Variants in RBFOX1 observed in about 807,000 individuals in gnomAD.
The protein encoded by RBFOX1 is RNA binding fox-1 homolog 1.
In RBFOX1, 8 loss-of-function variants were observed where a neutral mutation model predicts 57.7. The ratio of observed to expected loss-of-function variants is 0.14; its 90% CI spans 0.08 to 0.25. The LOEUF is 0.25. Ranked by LOEUF, RBFOX1 falls within the 10% of genes least tolerant of loss-of-function variation. RBFOX1 has a pLI of 1.00. For missense variants in RBFOX1, 611 were observed against 548.5 expected, an observed-to-expected ratio of 1.11 and a Z score of -1.14; for synonymous variants, 326 against 222.4, an observed-to-expected ratio of 1.47 and a Z score of -4.15.
chr16:5,703,438 C>G (rs2051123908), intron 3 of RBFOX1, among the ~76,000 whole-genome samples: 1 of 152,142 alleles, frequency 6.6e-6, no homozygotes. Flanking sequence ...AGAACTGGAG[C>G]CCAGAGGGCA....
At chr16:5,558,278 G>C (rs1048812591) in intron 2 of RBFOX1, among the ~76,000 whole-genome samples, 4 of 152,158 alleles carry the variant, frequency 2.6e-5, no homozygotes, top group African/African-American at 9.7e-5. Flanking sequence ...AGAGCTGAAA[G>C]AGCACACTGT....
chr16:5,644,463 T>C (rs1304841776), intron 3 of RBFOX1, among the ~76,000 whole-genome samples: 7 of 152,192 alleles, frequency 4.6e-5, no homozygotes, highest in Non-Finnish European at 8.8e-5. Context: ...TGGGTTGAAG[T>C]TGGACTGTAC....
intron 4 of RBFOX1, among the ~76,000 whole-genome samples, chr16:7,058,633 A>C (rs983201121): frequency 6.6e-6 from 1 of 151,884 alleles, no homozygotes; most frequent in Non-Finnish European, 1.5e-5. Context: ...CATGCAAAAA[A>C]AGATTAAACT....
chr16:6,680,785 C>A (rs1027385658), intron 3 of RBFOX1, among the ~76,000 whole-genome samples: 1 of 152,162 alleles, frequency 6.6e-6, no homozygotes, highest in Non-Finnish European at 1.5e-5. Flanking sequence ...GGGCACCTAA[C>A]TTTGCAAACC....
intron 3 of RBFOX1, among the ~76,000 whole-genome samples, chr16:6,822,966 C>T (rs557492815): frequency 2.0e-4 from 31 of 152,284 alleles, no homozygotes; most frequent in African/African-American, 7.0e-4. Context: ...GGACAAAAAA[C>T]GATGATCCCT....
chr16:6,837,093 G>A (rs146542863), intron 3 of RBFOX1, among the ~76,000 whole-genome samples: 1 of 152,326 alleles, frequency 6.6e-6, no homozygotes, highest in Non-Finnish European at 1.5e-5. Context: ...GTTAACAATA[G>A]CCAGAGCAGT....
chr16:6,892,089 T>C (rs529334557), intron 3 of RBFOX1, among the ~76,000 whole-genome samples: 174 of 152,260 alleles, frequency 1.1e-3, no homozygotes, highest in African/African-American at 4.2e-3. Context: ...CATTTCTTAG[T>C]TTCCTTTACA....
At chr16:6,070,005 C>T (rs1331825080) in intron 1 of RBFOX1, among the ~76,000 whole-genome samples, 3 of 152,040 alleles carry the variant, frequency 2.0e-5, no homozygotes, top group African/African-American at 7.2e-5. Flanking sequence ...AACAATCCCC[C>T]CAAAACCAAA....
At chr16:5,671,412 G>C (rs992435821) in intron 3 of RBFOX1, among the ~76,000 whole-genome samples, 3 of 152,172 alleles carry the variant, frequency 2.0e-5, no homozygotes, top group African/African-American at 7.2e-5. Context: ...TGAGGCATTT[G>C]ATATATTTGT....
At chr16:7,413,792 C>T (rs950574812) in intron 4 of RBFOX1, among the ~76,000 whole-genome samples, 4 of 152,074 alleles carry the variant, frequency 2.6e-5, no homozygotes, top group African/African-American at 9.7e-5. Context: ...CTTTGTAGAG[C>T]TGGATCCCAG....
At chr16:6,772,599 G>A (rs1292196657) in intron 3 of RBFOX1, among the ~76,000 whole-genome samples, 5 of 150,610 alleles carry the variant, frequency 3.3e-5, no homozygotes, top group South Asian at 2.1e-4. Context: ...TGGGTATGGG[G>A]TGCATTTGTG....
chr16:7,394,829 T>C (rs1019467041), intron 4 of RBFOX1, among the ~76,000 whole-genome samples: 5 of 152,220 alleles, frequency 3.3e-5, no homozygotes, highest in Admixed American at 1.3e-4. Flanking sequence ...AGGATTCCTC[T>C]GCCTTATTGT....
chr16:6,794,373 A>G (rs1196484905), intron 3 of RBFOX1, among the ~76,000 whole-genome samples: 1 of 150,082 alleles, frequency 6.7e-6, no homozygotes, highest in Non-Finnish European at 1.5e-5. Flanking sequence ...TGCTTTCCTT[A>G]ACTACACTCT....
chr16:7,395,275 C>A (rs1199987541), intron 4 of RBFOX1, among the ~76,000 whole-genome samples: 1 of 152,106 alleles, frequency 6.6e-6, no homozygotes, highest in Admixed American at 6.5e-5. Context: ...TGGGAGCCCC[C>A]AACACACCTG....
intron 10 of RBFOX1, among the ~76,000 whole-genome samples, chr16:7,612,211 C>T (rs1159833949): frequency 6.7e-6 from 1 of 150,154 alleles, no homozygotes; most frequent in African/African-American, 2.5e-5. Flanking sequence ...GTCCCAGCTA[C>T]TTGGGAGGCA....
chr16:5,613,776 T>C (rs536371829), intron 3 of RBFOX1, among the ~76,000 whole-genome samples: 2 of 152,114 alleles, frequency 1.3e-5, no homozygotes, highest in South Asian at 4.2e-4. Context: ...GTCATCCTTG[T>C]TTAACTCCCC....
rs928898440 is a variant in RBFOX1, at chr16:6,635,308, G to C, written c.-63-19295G>C. Among the ~76,000 whole-genome samples, 8 of 151,968 alleles carry C rather than the reference G, an allele frequency of 5.3e-5. No homozygotes were observed. The East Asian group carries it at 9.7e-4, about 18-fold the overall frequency. On this transcript the variant is annotated intron_variant, in intron 2 of 15. Coordinates refer to ENST00000550418, the MANE Select transcript of RBFOX1 (RefSeq NM_018723.4). ...TTGTTAACCTTGTCTCTGAGTAGCT[G>C]ATAACTTCATGAAAAAGTCAGATAT...
chr16:7,551,088 C>CAAAAAAAAAA (rs539169022), intron 5 of RBFOX1, among the ~76,000 whole-genome samples: 7 of 76,706 alleles, frequency 9.1e-5, no homozygotes, highest in Non-Finnish European at 1.1e-4. Context: ...GAGCGAGACT[C>CAAAAAAAAAA]AAAAAAAAAA....
At chr16:6,577,356 A>C (rs372348390) in intron 2 of RBFOX1, 3 of 152,230 alleles carry the variant, frequency 2.0e-5, no homozygotes, top group East Asian at 1.9e-4. Flanking sequence ...TTGGAGCAAT[A>C]ATGCTTAATA....
Sources: allele counts gnomAD v4.1 joint callset (sites outside exome capture counted in the v4.1 genomes callset), GRCh38; gene constraint gnomAD v4.1.1; transcripts MANE v1.5; gene names NCBI Gene and HGNC (gene_info 2026-07-23, HGNC 2026-07-21).